The following PLEKHM3 variants were observed in gnomAD, a reference collection of about 807,000 sequenced individuals.
PLEKHM3 encodes the protein pleckstrin homology domain-containing family M member 3.
Under a neutral mutation model 81.8 loss-of-function variants are expected in PLEKHM3, and 45 were observed. The observed-to-expected ratio is 0.55, with a 90% CI of 0.43 to 0.71. The LOEUF is 0.71. PLEKHM3 is among the 30% of genes least tolerant of loss of function. The probability of loss-of-function intolerance (pLI) is 0.00; values close to 1 mark genes in which losing one functional copy is unlikely to be tolerated. For synonymous variants in PLEKHM3, 352 were observed against 356.4 expected, an observed-to-expected ratio of 0.99 and a Z score of 0.14; for missense variants, 788 against 924.3, an observed-to-expected ratio of 0.85 and a Z score of 1.91.
At chr2:208,005,711 TTC>T in intron 1 of PLEKHM3, among the ~76,000 whole-genome samples, 1 of 152,272 alleles carries the variant, frequency 6.6e-6, no homozygotes, top group South Asian at 2.1e-4. Flanking sequence ...CATTTAGTGT[TTC>T]TCTCTCTCCA....
At chr2:207,929,197 T>C (rs1281973493) in intron 5 of PLEKHM3, among the ~76,000 whole-genome samples, 2 of 152,226 alleles carry the variant, frequency 1.3e-5, no homozygotes, top group Admixed American at 1.3e-4. Context: ...TTCATTCTCA[T>C]AGCTTTGGGA....
At chr2:207,889,873 G>A (rs902494728) in intron 6 of PLEKHM3, among the ~76,000 whole-genome samples, 4 of 151,924 alleles carry the variant, frequency 2.6e-5, no homozygotes, top group African/African-American at 4.8e-5. Flanking sequence ...GCTTGATCTC[G>A]GCTCACCGCA....
intron 5 of PLEKHM3, among the ~76,000 whole-genome samples, chr2:207,926,678 CTG>C (rs1689403784): frequency 6.6e-6 from 1 of 152,236 alleles, no homozygotes; most frequent in South Asian, 2.1e-4. Context: ...ATTGTCAGCA[CTG>C]TAAACATTTT....
chr2:207,965,261 C>G (rs1477080027), intron 3 of PLEKHM3, among the ~76,000 whole-genome samples: 1 of 152,118 alleles, frequency 6.6e-6, no homozygotes, highest in African/African-American at 2.4e-5. Context: ...TACATTAACA[C>G]TCTCTTTAGA....
rs2092246039 is a variant in PLEKHM3, at chr2:207,825,684, G to A, written c.*2635C>T. ...TCTGTCCTATCAGATTTTGGTGGTG[G>A]TGGCAGAGAATGTCATAGGCCTGTG... On this transcript the variant is annotated 3_prime_UTR_variant, in exon 8 of 8. Coordinates refer to ENST00000427836, the MANE Select transcript of PLEKHM3 (RefSeq NM_001080475.3). The A allele has an allele frequency of 6.6e-6, 1 of 152,224 alleles. No homozygotes were observed. Among genetic ancestry groups the A allele is most frequent in the South Asian group, 2.1e-4 (1 of 4,824 alleles). The allele number at this position is 152,224 out of a possible 1,614,324, so 9.4% of individuals were successfully genotyped here. A position where few individuals can be genotyped will look rare whatever the true frequency, so the allele number is the denominator to read the frequency against.
At chr2:207,960,356 G>A (rs888011973) in intron 3 of PLEKHM3, among the ~76,000 whole-genome samples, 1 of 152,094 alleles carries the variant, frequency 6.6e-6, no homozygotes, top group East Asian at 1.9e-4. Context: ...CAGGAAGCAG[G>A]TTTCTGTCTG....
At chr2:207,969,778 T>A (rs950509451) in intron 3 of PLEKHM3, among the ~76,000 whole-genome samples, 2 of 152,220 alleles carry the variant, frequency 1.3e-5, no homozygotes, top group African/African-American at 4.8e-5. Flanking sequence ...GGGTAATTAA[T>A]CTTGGCTTCT....
At chr2:207,930,662 C>A (rs1689559344) in intron 5 of PLEKHM3, among the ~76,000 whole-genome samples, 1 of 152,116 alleles carries the variant, frequency 6.6e-6, no homozygotes. Flanking sequence ...AAGCCTTCAC[C>A]GTCCTGGGCA....
At chr2:207,863,088 T>C (rs147630604) in intron 6 of PLEKHM3, among the ~76,000 whole-genome samples, 8 of 152,322 alleles carry the variant, frequency 5.3e-5, no homozygotes, top group Non-Finnish European at 1.0e-4. Flanking sequence ...TCTCCTTCAA[T>C]TGAAAGTCCC....
intron 6 of PLEKHM3, among the ~76,000 whole-genome samples, chr2:207,880,891 C>G (rs920124010): frequency 1.6e-4 from 24 of 146,652 alleles, no homozygotes; most frequent in Admixed American, 8.9e-4. Flanking sequence ...CTAAAATGAC[C>G]AAAGATTTGT....
At chr2:207,975,067 A>G (rs1463907019) in intron 3 of PLEKHM3, among the ~76,000 whole-genome samples, 1 of 151,964 alleles carries the variant, frequency 6.6e-6, no homozygotes, top group African/African-American at 2.4e-5. Flanking sequence ...TGACCTTGTG[A>G]TCCGCCCGCC....
intron 5 of PLEKHM3, among the ~76,000 whole-genome samples, chr2:207,916,865 T>C (rs1379271354): frequency 1.3e-5 from 2 of 152,228 alleles, no homozygotes; most frequent in Non-Finnish European, 2.9e-5. Flanking sequence ...GAGCTATGTA[T>C]GTATGTAGTT....
At chr2:207,999,603 TA>T (rs1023980689) in intron 2 of PLEKHM3, among the ~76,000 whole-genome samples, 2 of 152,196 alleles carry the variant, frequency 1.3e-5, no homozygotes, top group African/African-American at 2.4e-5. Flanking sequence ...ACCTTGTCCC[TA>T]AAAAAACAGA....
intron 3 of PLEKHM3, among the ~76,000 whole-genome samples, chr2:207,968,332 A>G (rs1292649061): frequency 6.6e-6 from 1 of 151,312 alleles, no homozygotes; most frequent in East Asian, 2.0e-4. Flanking sequence ...AGCCAAGGAG[A>G]TTTTCCCTGA....
At position 207,865,804 on chromosome 2, in the gene PLEKHM3, ATATATAT is replaced by A. The variant is rs1559212883; in HGVS notation, c.1951-4549_1951-4543del. ...CTCAAAAAAAAAAAAAAAAAAAAAG[ATATATAT>A]ATATATATATATATATATATATATA... On this transcript the variant is annotated intron_variant, in intron 6 of 7. Coordinates refer to ENST00000427836, the MANE Select transcript of PLEKHM3 (RefSeq NM_001080475.3). 6.2e-3 allele frequency among the ~76,000 whole-genome samples: 192 copies of A among 30,888 alleles called. 3 individuals carry two copies. Among genetic ancestry groups the A allele is most frequent in the East Asian group, 7.6e-3 (9 of 1,190 alleles). 20.3% of individuals were successfully genotyped at this position (30,888 alleles called of 152,430 possible). A position where few individuals can be genotyped will look rare whatever the true frequency, so the allele number is the denominator to read the frequency against.
In PLEKHM3 at chr2:207,977,405, G is replaced by A. The variant is rs2106032925; in HGVS notation, c.792C>T (p.Ser264=). The A allele has an allele frequency of 6.2e-7, 1 of 1,614,214 alleles. No homozygotes were observed. The highest frequency in any genetic ancestry group is 2.2e-5 in the East Asian group (1 of 44,882). Residue 264 remains serine, a synonymous_variant, in exon 3 of 8, where the codon AGC becomes AGT. Transcript: ENST00000427836. ...CCTCCAGGTTGCCTAAAACAGATAT[G>A]CTCTGGAAGTGTGAAAGCTGGTACG... The part of the protein sequence containing the change: ...YATYQLSHFQ[S]ISVLGNLEAR...
chr2:207,969,193 C>G (rs139368609), intron 3 of PLEKHM3, among the ~76,000 whole-genome samples: 1 of 152,186 alleles, frequency 6.6e-6, no homozygotes, highest in Non-Finnish European at 1.5e-5. Flanking sequence ...TTTTCAAGAG[C>G]GTAATACACA....
rs1440133931 is a variant in PLEKHM3 at position 207,821,399 on chromosome 2, A to G, written c.*6920T>C. 6.6e-6 allele frequency: 1 copy of G among 152,340 alleles called. No individual in the cohort carries two copies. The highest frequency in any genetic ancestry group is 2.1e-4 in the South Asian group (1 of 4,834). The allele number at this position is 152,340 out of a possible 1,614,324, so 9.4% of individuals were successfully genotyped here. On this transcript the variant is annotated 3_prime_UTR_variant, in exon 8 of 8. Transcript: ENST00000427836. ...TTAAAAACTAGAGGTATTGTCAACA[A>G]TACAACTTCAATTTTATATTATTAC...
intron 4 of PLEKHM3, among the ~76,000 whole-genome samples, chr2:207,944,882 A>G (rs1394093583): frequency 6.6e-6 from 1 of 152,204 alleles, no homozygotes; most frequent in African/African-American, 2.4e-5. Context: ...TTCCATTAAA[A>G]CAACAACAAC....
Sources: allele counts gnomAD v4.1 joint callset (sites outside exome capture counted in the v4.1 genomes callset), GRCh38; gene constraint gnomAD v4.1.1; transcripts MANE v1.5; gene names NCBI Gene and HGNC (gene_info 2026-07-23, HGNC 2026-07-21).